Variants in PC observed in about 807,000 individuals in gnomAD.
PC encodes pyruvate carboxylase, mitochondrial.
Under a neutral mutation model 107.8 loss-of-function variants are expected in PC, and 46 were observed. That is an observed-to-expected ratio of 0.43 (90% CI 0.34 to 0.55). The LOEUF (loss-of-function observed/expected upper bound fraction) is 0.55. PC is among the 20% of genes least tolerant of loss of function. The probability of loss-of-function intolerance (pLI) is 0.04; values close to 1 mark genes in which losing one functional copy is unlikely to be tolerated. For missense variants in PC, 1,241 were observed against 1,643.1 expected, an observed-to-expected ratio of 0.76 and a Z score of 4.23; for synonymous variants, 662 against 684.7, an observed-to-expected ratio of 0.97 and a Z score of 0.52.
intron 3 of PC, among the ~76,000 whole-genome samples, chr11:66,918,166 A>G (rs1468610661): frequency 1.3e-5 from 2 of 152,110 alleles, no homozygotes; most frequent in Non-Finnish European, 2.9e-5. Context: ...TCCTCTTTCC[A>G]TTCCCAAGTC....
chr11:66,889,720 GA>G (rs146207026), intron 3 of PC, among the ~76,000 whole-genome samples: 1 of 151,418 alleles, frequency 6.6e-6, no homozygotes, highest in African/African-American at 2.4e-5. Flanking sequence ...TACCAAAAGG[GA>G]AAAAAAACCA....
chr11:66,856,433 G>T lies in PC; in HGVS notation c.1369-3050C>A, dbSNP rs993341298. Reference sequence around the variant, plus strand: ...GACAGGGCGGGGCGGCGGGGGCGGGGCGCCTGCCCGGAGGCCAAGCCCTCT... The same window carrying T: ...GACAGGGCGGGGCGGCGGGGGCGGGTCGCCTGCCCGGAGGCCAAGCCCTCT... On this transcript the variant is annotated intron_variant, in intron 12 of 22. Transcript: ENST00000393960. Among the ~76,000 whole-genome samples the T allele has an allele frequency of 2.0e-5, 3 of 152,002 alleles. No individual in the cohort carries two copies. The East Asian group carries it at 5.8e-4, about 30-fold the overall frequency.
At chr11:66,864,404 C>T (rs1470027925) in intron 11 of PC, among the ~76,000 whole-genome samples, 3 of 152,366 alleles carry the variant, frequency 2.0e-5, no homozygotes, top group East Asian at 1.9e-4. Flanking sequence ...TCCCAGACAG[C>T]GAGGGGACGG....
chr11:66,859,797 C>A, intron 12 of PC: 1 of 1,595,320 alleles, frequency 6.3e-7, no homozygotes. Flanking sequence ...GCCGGCCTCG[C>A]CCCTGTGCCA....
chr11:66,851,251 A>G lies in PC; in HGVS notation c.2012T>C (p.Met671Thr). The change falls in exon 17 of 23, where the codon ATG (methionine) becomes ACG (threonine). Residue 671 changes from methionine to threonine, a missense_variant. This residue lies in a region of PC where 1,143 missense variants were observed against 1,551.9 expected (regional missense o/e 0.74). Transcript: ENST00000393960. ...GGAGTCAAACACACGGAAGACATCC[A>G]TGCCATTCTCTTTGGCCACTTCACA... ...KFCEVAKENG[M>T]DVFRVFDSLN... 1.2e-6 allele frequency: 2 copies of G among 1,602,710 alleles called. No individual in the cohort carries two copies. Among genetic ancestry groups the G allele is most frequent in the Non-Finnish European group, 1.7e-6 (2 of 1,179,960 alleles).
intron 3 of PC, among the ~76,000 whole-genome samples, chr11:66,873,470 TAATATAATATATAATA>T (rs1946838106): frequency 1.3e-5 from 1 of 76,850 alleles, no homozygotes; most frequent in Admixed American, 2.3e-4. Context: ...ATATTATATA[TAATATAATATATAATA>T]TTATATATAT....
intron 3 of PC, among the ~76,000 whole-genome samples, chr11:66,922,335 G>A (rs75434281): frequency 0.045 from 6,868 of 152,066 alleles, 186 homozygotes; most frequent in Non-Finnish European, 0.068. Context: ...AACACTTTGG[G>A]AGGCTGGGGC....
At chr11:66,885,428 T>A (rs954113181) in intron 3 of PC, among the ~76,000 whole-genome samples, 1 of 148,544 alleles carries the variant, frequency 6.7e-6, no homozygotes, top group Admixed American at 6.8e-5. Context: ...GAGGCAGAGG[T>A]TGCAGTGAGC....
intron 3 of PC, among the ~76,000 whole-genome samples, chr11:66,902,129 ACC>A (rs1947979330): frequency 6.6e-6 from 1 of 152,138 alleles, no homozygotes; most frequent in Non-Finnish European, 1.5e-5. Flanking sequence ...GTAAACAGCA[ACC>A]CAGGCAGGAC....
chr11:66,883,196 G>A (rs1010616185), intron 3 of PC, among the ~76,000 whole-genome samples: 4 of 152,186 alleles, frequency 2.6e-5, no homozygotes, highest in African/African-American at 7.2e-5. Context: ...GGCGACTGGC[G>A]CCATGGTCTC....
intron 3 of PC, among the ~76,000 whole-genome samples, chr11:66,905,318 A>T (rs1033352555): frequency 6.6e-6 from 1 of 152,184 alleles, no homozygotes; most frequent in Non-Finnish European, 1.5e-5. Context: ...AAGGGTGCCA[A>T]CGCCTGCTGT....
At chr11:66,862,394 A>G (rs574663773) in intron 12 of PC, among the ~76,000 whole-genome samples, 60 of 152,296 alleles carry the variant, frequency 3.9e-4, no homozygotes, top group Admixed American at 1.8e-3. Flanking sequence ...TGGACATGTG[A>G]GAAGTGATTG....
At chr11:66,864,575 G>C (rs925546720) in intron 11 of PC, among the ~76,000 whole-genome samples, 1 of 152,214 alleles carries the variant, frequency 6.6e-6, no homozygotes, top group African/African-American at 2.4e-5. Flanking sequence ...GGATGGGAGG[G>C]AGAGGAGGCA....
At chr11:66,947,138 A>G (rs1949318310) in intron 3 of PC, among the ~76,000 whole-genome samples, 1 of 152,176 alleles carries the variant, frequency 6.6e-6, no homozygotes, top group Non-Finnish European at 1.5e-5. Context: ...ACTCCTAGGC[A>G]TTTACCCAAG....
At chr11:66,922,489 G>A (rs1169996714) in intron 3 of PC, among the ~76,000 whole-genome samples, 4 of 147,390 alleles carry the variant, frequency 2.7e-5, no homozygotes, top group Non-Finnish European at 5.9e-5. Context: ...CAGGAGAATC[G>A]CTTGAACCCA....
Position 66,866,915 on chromosome 11 carries a change from C to G in PC, c.1023-566G>C, listed in dbSNP as rs1946524391. On this transcript the variant is annotated intron_variant, in intron 10 of 22. Coordinates refer to ENST00000393960, the MANE Select transcript of PC (RefSeq NM_001040716.2). This position sits in a 1 kb window ranked among gnomAD's most constrained non-coding sequence, Gnocchi z 5.4. ...GAGGGTTGCACAGTGGGTGCTGGGT[C>G]AGGACCTGTCCTTCTGAGGCCTGTT... Among the ~76,000 whole-genome samples the G allele has an allele frequency of 6.6e-6, 1 of 152,156 alleles. No individual in the cohort carries two copies. Among genetic ancestry groups the G allele is most frequent in the African/African-American group, 2.4e-5 (1 of 41,420 alleles).
rs756973054 is a variant in PC at position 66,863,755 on chromosome 11, G to A, written c.1368+19C>T. 5 of 1,598,964 alleles carry A rather than the reference G, an allele frequency of 3.1e-6. No homozygotes were observed. The highest frequency in any genetic ancestry group is 1.1e-5 in the South Asian group (1 of 90,278). Reference sequence around the variant, plus strand: ...CCAAGGGCCGGGAGCAAAGGCAGGCGGGGGCTGCAGCCTCTCACCTTCACA... The same window carrying A: ...CCAAGGGCCGGGAGCAAAGGCAGGCAGGGGCTGCAGCCTCTCACCTTCACA... On this transcript the variant is annotated intron_variant, in intron 12 of 22. Coordinates refer to ENST00000393960, the MANE Select transcript of PC (RefSeq NM_001040716.2).
At chr11:66,923,399 A>G in intron 3 of PC, among the ~76,000 whole-genome samples, 1 of 146,522 alleles carries the variant, frequency 6.8e-6, no homozygotes, top group East Asian at 2.0e-4. Flanking sequence ...AAAAAAAAAG[A>G]AGTCGTGCTA....
chr11:66,886,358 A>G (rs1435596160), intron 3 of PC, among the ~76,000 whole-genome samples: 2 of 152,162 alleles, frequency 1.3e-5, no homozygotes, highest in Non-Finnish European at 2.9e-5. Flanking sequence ...GACTCAGTCC[A>G]GAGCTAGTGG....
Sources: allele counts gnomAD v4.1 joint callset (sites outside exome capture counted in the v4.1 genomes callset), GRCh38; gene constraint gnomAD v4.1.1; regional missense constraint gnomAD v4.1.1; non-coding constraint Gnocchi (gnomAD v3.1); transcripts MANE v1.5; gene names NCBI Gene and HGNC (gene_info 2026-07-23, HGNC 2026-07-21).